Variants in CHRNA2 observed in about 807,000 individuals in gnomAD.
CHRNA2 encodes neuronal acetylcholine receptor subunit alpha-2.
A neutral mutation model predicts 45.5 loss-of-function variants in CHRNA2; 40 were observed. The observed-to-expected ratio is 0.88, with a 90% CI of 0.68 to 1.15. The LOEUF is 1.15. Among genes scored for constraint, CHRNA2 ranks in the 50% most tolerant of loss-of-function variants. The pLI is 0.00. For missense variants in CHRNA2, 655 were observed against 701.7 expected, an observed-to-expected ratio of 0.93 and a Z score of 0.75; for synonymous variants, 301 against 296.7, an observed-to-expected ratio of 1.01 and a Z score of -0.15.
At position 27,478,898 on chromosome 8, in the gene CHRNA2, A is replaced by G. The variant is rs1402810351; in HGVS notation, c.-211T>C. 6.6e-6 allele frequency: 1 copy of G among 152,232 alleles called. No individual in the cohort carries two copies. Among genetic ancestry groups the G allele is most frequent in the Admixed American group, 6.5e-5 (1 of 15,276 alleles). 9.4% of individuals were successfully genotyped at this position (152,232 alleles called of 1,614,324 possible). On this transcript the variant is annotated 5_prime_UTR_variant, in exon 1 of 7. Transcript: ENST00000407991. The stretch of plus-strand genomic sequence containing the variant: ...CTGGCTTGGAGATTCTGGGCAGCTG[A>G]CAAAAGTCACCCCAGAAATAGAGTG...
At position 27,467,341 on chromosome 8, in the gene CHRNA2, G is replaced by A. The variant is rs1332612093; in HGVS notation, c.340-3C>T. The A allele has an allele frequency of 6.2e-7, 1 of 1,602,470 alleles. No homozygotes were observed. Among genetic ancestry groups the A allele is most frequent in the East Asian group, 2.2e-5 (1 of 44,738 alleles). On this transcript the variant is annotated splice_region_variant and splice_polypyrimidine_tract_variant and intron_variant, in intron 4 of 6. Transcript: ENST00000407991. ...CGCAGTTTGTAGTCGCTCCACTCCT[G>A]TGTGTGGGGAAGGAGTTGTGTCAAC...
At chr8:27,469,403 G>A in intron 3 of CHRNA2, 24 bp from the exon 4 acceptor site, 1 of 1,552,924 alleles carries the variant, frequency 6.4e-7, no homozygotes, top group Non-Finnish European at 8.7e-7. Context: ...AGACAGAGGA[G>A]CAATTAAAGG....
At chr8:27,467,566 A>T (rs1812738970) in intron 4 of CHRNA2, 3 of 536,922 alleles carry the variant, frequency 5.6e-6, no homozygotes, top group Non-Finnish European at 1.0e-5. Context: ...GGTCCCGGGC[A>T]CATGAAGTTC....
chr8:27,464,112 G>C, intron 5 of CHRNA2, 119 bp from the exon 6 acceptor site: 1 of 1,182,884 alleles, frequency 8.5e-7, no homozygotes, highest in South Asian at 1.3e-5. Flanking sequence ...CACACTGGCG[G>C]GGTTTATTTA....
intron 6 of CHRNA2, 147 bp from the exon 7 acceptor site, chr8:27,461,901 CG>C: frequency 1.8e-6 from 2 of 1,110,812 alleles, no homozygotes; most frequent in Non-Finnish European, 2.7e-6. Context: ...GCACAGGGAG[CG>C]GGGTGAGTGG....
chr8:27,467,961 T>A (rs1357801396), intron 4 of CHRNA2, among the ~76,000 whole-genome samples: 2 of 152,170 alleles, frequency 1.3e-5, no homozygotes, highest in Non-Finnish European at 2.9e-5. Flanking sequence ...TCAGTCCCCC[T>A]GCCTCCATCA....
chr8:27,461,610 C>G lies in CHRNA2; in HGVS notation c.*19G>C. ...TGGTCAGCGGGGGTGCCCTGGGAGC[C>G]AGCTCGAGGGAGGTGCAGTCAGATC... On this transcript the variant is annotated 3_prime_UTR_variant, in exon 7 of 7. Transcript: ENST00000407991. The G allele has an allele frequency of 6.2e-7, 1 of 1,614,096 alleles. No individual in the cohort carries two copies. The highest frequency in any genetic ancestry group is 8.5e-7 in the Non-Finnish European group (1 of 1,179,922).
Position 27,463,927 on chromosome 8 carries a change from G to C in CHRNA2, c.516C>G (p.His172Gln). 3.1e-6 allele frequency: 5 copies of C among 1,614,248 alleles called. No individual in the cohort carries two copies. The highest frequency in any genetic ancestry group is 4.2e-6 in the Non-Finnish European group (5 of 1,180,040). Residue 172 changes from histidine to glutamine, a missense_variant, in exon 6 of 7, where the codon CAC (histidine) becomes CAG (glutamine). This residue lies in a region of CHRNA2 where 323 missense variants were observed against 354.4 expected (regional missense o/e 0.91). Transcript: ENST00000407991. This position sits in a 1 kb window ranked among gnomAD's most constrained non-coding sequence, Gnocchi z 6.1. ...KAHLFSTGTV[H>Q]WVPPAIYKSS... ...TCTTGTAGATGGCCGGGGGCACCCAGTGCACAGTGCCCGTGGAGAAGAGGT... is the reference window on the plus strand; with the variant it reads ...TCTTGTAGATGGCCGGGGGCACCCACTGCACAGTGCCCGTGGAGAAGAGGT...
In CHRNA2 at chr8:27,460,634, T is replaced by A. The variant is rs1285390893; in HGVS notation, c.*995A>T. On this transcript the variant is annotated 3_prime_UTR_variant, in exon 7 of 7. Transcript: ENST00000407991. ...ACTCCCAAGTGAGGCCTCCTCCTGA[T>A]GGAGCCAGGCACAGGGAACAGGGTT... The A allele has an allele frequency of 6.6e-6, 1 of 152,212 alleles. No individual in the cohort carries two copies. Among genetic ancestry groups the A allele is most frequent in the African/African-American group, 2.4e-5 (1 of 41,402 alleles). The allele number at this position is 152,212 out of a possible 1,614,324, so 9.4% of individuals were successfully genotyped here.
intron 4 of CHRNA2, 44 bp downstream of exon 4, chr8:27,469,290 GA>G: frequency 6.5e-7 from 1 of 1,539,574 alleles, no homozygotes; most frequent in Non-Finnish European, 8.8e-7. Context: ...GGGGTCCATG[GA>G]TTCCCGGTAC....
At chr8:27,473,280 A>T (rs1298821092) in intron 1 of CHRNA2, among the ~76,000 whole-genome samples, 1 of 152,184 alleles carries the variant, frequency 6.6e-6, no homozygotes, top group East Asian at 1.9e-4. Flanking sequence ...AATGTTCTGG[A>T]ACTAGATAGT....
chr8:27,464,827 AGCTGT>A (rs1433241100), intron 5 of CHRNA2, among the ~76,000 whole-genome samples: 1 of 152,078 alleles, frequency 6.6e-6, no homozygotes, highest in Non-Finnish European at 1.5e-5. Context: ...CCTGTACCAG[AGCTGT>A]GCAGAAGAGG....
At chr8:27,473,565 G>C (rs994246118) in intron 1 of CHRNA2, among the ~76,000 whole-genome samples, 8 of 147,388 alleles carry the variant, frequency 5.4e-5, no homozygotes, top group African/African-American at 2.0e-4. Flanking sequence ...AAATTAGCTG[G>C]GCATAGTGGT....
intron 4 of CHRNA2, 61 bp from the exon 5 acceptor site, chr8:27,467,399 A>G (rs1812733183): frequency 1.5e-6 from 2 of 1,349,584 alleles, no homozygotes; most frequent in Non-Finnish European, 2.1e-6. Flanking sequence ...GGGCAAAGCT[A>G]GCACACCCCG....
chr8:27,470,733 G>A (rs578111957), intron 2 of CHRNA2, among the ~76,000 whole-genome samples: 1 of 152,230 alleles, frequency 6.6e-6, no homozygotes, highest in Non-Finnish European at 1.5e-5. Context: ...GGCCTGGGAG[G>A]TACACAACAC....
Position 27,463,767 on chromosome 8 carries a change from A to G in CHRNA2, c.676T>C (p.Trp226Arg). The G allele has an allele frequency of 1.9e-6, 3 of 1,614,146 alleles. No individual in the cohort carries two copies. The highest frequency in any genetic ancestry group is 2.5e-6 in the Non-Finnish European group (3 of 1,180,020). The change falls in exon 6 of 7, where the codon TGG becomes CGG. Residue 226 changes from tryptophan (W) to arginine (R), a missense_variant. By Grantham distance (101) the Trp-to-Arg change is moderately radical (BLOSUM62 -3). This residue lies in a region of CHRNA2 where 323 missense variants were observed against 354.4 expected (regional missense o/e 0.91). Transcript: ENST00000407991. The surrounding 1 kb of genome is among the most constrained non-coding windows in gnomAD (Gnocchi z 6.1). The stretch of plus-strand genomic sequence containing the variant: ...ACGATGGCCCACTCGCCGCTCTCCC[A>G]GTAGTCCTTCAGGTCCACAGTCTGC... ...MEQTVDLKDY[W>R]ESGEWAIVNA...
At chr8:27,473,011 T>C in intron 1 of CHRNA2, among the ~76,000 whole-genome samples, 1 of 152,132 alleles carries the variant, frequency 6.6e-6, no homozygotes, top group East Asian at 1.9e-4. Flanking sequence ...TGTTTCATAA[T>C]TGAGAAAATT....
At chr8:27,462,234 T>C (rs1450615170) in intron 6 of CHRNA2, among the ~76,000 whole-genome samples, 2 of 151,714 alleles carry the variant, frequency 1.3e-5, no homozygotes, top group Non-Finnish European at 2.9e-5. Flanking sequence ...TTTGTAGAAC[T>C]TGGGCTCACA....
chr8:27,467,376 A>G (rs1205374164), intron 4 of CHRNA2, 38 bp from the exon 5 acceptor site: 2 of 1,524,596 alleles, frequency 1.3e-6, no homozygotes, highest in Non-Finnish European at 1.8e-6. Flanking sequence ...CCTCGCTTCC[A>G]GGGAGCAGCC....
Sources: gnomAD v4.1 joint callset for allele counts (sites outside exome capture counted in the v4.1 genomes callset) on GRCh38, gnomAD v4.1.1 for gene constraint, gnomAD v4.1.1 regional missense constraint, Gnocchi (gnomAD v3.1) non-coding constraint, MANE v1.5 for transcripts, NCBI Gene and HGNC (gene_info 2026-07-23, HGNC 2026-07-21) for gene names.